Variants in SV2C observed in about 807,000 individuals in gnomAD.
SV2C encodes the protein solute carrier family 22 member B3.
In SV2C, 49 loss-of-function variants were observed where a neutral mutation model predicts 79.7. That is an observed-to-expected ratio of 0.61 (90% confidence interval 0.49 to 0.78). The LOEUF is 0.78. SV2C is among the 30% of genes least tolerant of loss of function. The pLI, the probability that SV2C is intolerant of heterozygous loss-of-function variation, is 0.00. For missense variants in SV2C, 833 were observed against 912.9 expected, an observed-to-expected ratio of 0.91 and a Z score of 1.13; for synonymous variants, 334 against 333.2, an observed-to-expected ratio of 1.00 and a Z score of -0.03.
the SV2C span, chr5:75,921,383 T>TACCA: frequency 1.1e-6 from 1 of 876,798 alleles, no homozygotes; most frequent in Non-Finnish European, 2.0e-6. Context: ...GTAGGTGTCC[T>TACCA]GCCCTGGGTC....
intron 1 of SV2C, among the ~76,000 whole-genome samples, chr5:76,109,292 TA>T (rs1311581261): frequency 3.3e-5 from 5 of 152,210 alleles, no homozygotes; most frequent in Non-Finnish European, 7.3e-5. Context: ...CTCTTGAGAT[TA>T]CAAGAATAGT....
chr5:75,885,367 T>G, the SV2C span, among the ~76,000 whole-genome samples: 1 of 152,094 alleles, frequency 6.6e-6, no homozygotes, highest in Non-Finnish European at 1.5e-5. Context: ...CAAGTCCAGT[T>G]TCCTGACCAG....
the SV2C span, among the ~76,000 whole-genome samples, chr5:75,938,890 C>T: frequency 6.6e-6 from 1 of 152,110 alleles, no homozygotes; most frequent in African/African-American, 2.4e-5. Context: ...TTGTGAGCTC[C>T]CTAGAGTAAC....
chr5:76,084,778 C>G (rs139714621), intron 1 of SV2C, among the ~76,000 whole-genome samples: 6,338 of 151,734 alleles, frequency 0.042, 392 homozygotes, highest in African/African-American at 0.13. Context: ...TTGATGGATG[C>G]CCCGCGGCGC....
chr5:76,038,234 G>A, the SV2C span, among the ~76,000 whole-genome samples: 11 of 152,186 alleles, frequency 7.2e-5, no homozygotes, highest in Admixed American at 7.2e-4. Context: ...ACATATGTAA[G>A]ACTCAGTACA....
the SV2C span, among the ~76,000 whole-genome samples, chr5:75,991,212 A>G: frequency 6.6e-6 from 1 of 151,946 alleles, no homozygotes; most frequent in Admixed American, 6.6e-5. Flanking sequence ...AGGAAAATAT[A>G]ACACCTTTCT....
At position 76,132,241 on chromosome 5, in the gene SV2C, C is replaced by A. The variant is rs781162705; in HGVS notation, c.491C>A (p.Ala164Glu). The A allele has an allele frequency of 1.9e-6, 3 of 1,614,078 alleles. No homozygotes were observed. In the Admixed American group the frequency reaches 5.0e-5, roughly 27 times the overall value. ...TTCGTCCTGGGCATGGCTCTTATGG[C>A]AGACGGTGTAGAGGTGTTTGTCGTT... ...LFFVLGMALM[A>E]DGVEVFVVGF... Residue 164 changes from alanine (A) to glutamate (E), a missense_variant, in exon 2 of 13, where the codon GCA becomes GAA. By Grantham distance (107) the Ala-to-Glu change is moderately radical (BLOSUM62 -1). Coordinates refer to ENST00000502798, the MANE Select transcript of SV2C (RefSeq NM_014979.4).
intron 10 of SV2C, among the ~76,000 whole-genome samples, chr5:76,299,434 C>T (rs1242972548): frequency 1.3e-5 from 2 of 152,220 alleles, no homozygotes; most frequent in Admixed American, 6.5e-5. Flanking sequence ...ATTAGACATT[C>T]ATTATCTCAT....
chr5:76,152,660 A>C (rs1749639969), intron 2 of SV2C, among the ~76,000 whole-genome samples: 1 of 152,150 alleles, frequency 6.6e-6, no homozygotes, highest in African/African-American at 2.4e-5. Context: ...GAAGACAGCT[A>C]CCAGCTGATC....
chr5:76,325,645 G>C lies in SV2C; in HGVS notation c.*98G>C, dbSNP rs1271594117. The C allele has an allele frequency of 1.3e-6, 2 of 1,503,402 alleles. No homozygotes were observed. The highest frequency in any genetic ancestry group is 1.8e-6 in the Non-Finnish European group (2 of 1,122,284). 93.1% of individuals were successfully genotyped at this position (1,503,402 alleles called of 1,614,324 possible). ...TCAGAGTTTTCCTATATAGAAAGGTGATCAAGTATCAGAACATAAACACGT... is the reference window on the plus strand; with the variant it reads ...TCAGAGTTTTCCTATATAGAAAGGTCATCAAGTATCAGAACATAAACACGT... On this transcript the variant is annotated 3_prime_UTR_variant, in exon 13 of 13. Transcript: ENST00000502798.
intron 2 of SV2C, among the ~76,000 whole-genome samples, chr5:76,194,348 A>C (rs1014463411): frequency 6.6e-6 from 1 of 152,204 alleles, no homozygotes; most frequent in African/African-American, 2.4e-5. Context: ...TGAGCGGCAA[A>C]CTTGAGCCTC....
At chr5:75,901,223 C>G in the SV2C span, among the ~76,000 whole-genome samples, 3 of 152,078 alleles carry the variant, frequency 2.0e-5, no homozygotes, top group South Asian at 6.2e-4. Context: ...GTTTTATCTA[C>G]TTTTGGTCTT....
chr5:75,953,412 A>G, the SV2C span, among the ~76,000 whole-genome samples: 1 of 151,994 alleles, frequency 6.6e-6, no homozygotes, highest in Non-Finnish European at 1.5e-5. Context: ...TATATCAAAA[A>G]TACCTATTTC....
chr5:75,966,202 A>G, the SV2C span, among the ~76,000 whole-genome samples: 6 of 152,204 alleles, frequency 3.9e-5, no homozygotes, highest in African/African-American at 1.4e-4. Context: ...ATCCAATTTT[A>G]AGTTCTTTCT....
the SV2C span, among the ~76,000 whole-genome samples, chr5:75,996,934 G>A: frequency 2.3e-5 from 3 of 132,704 alleles, no homozygotes; most frequent in Middle Eastern, 3.8e-3. Flanking sequence ...CTGCAAACAC[G>A]GACAATTTGA....
the SV2C span, among the ~76,000 whole-genome samples, chr5:75,856,844 G>A: frequency 6.6e-6 from 1 of 151,896 alleles, no homozygotes; most frequent in South Asian, 2.1e-4. Flanking sequence ...CTGTGCGAGT[G>A]GAACATTAGT....
chr5:75,890,170 A>G, the SV2C span, among the ~76,000 whole-genome samples: 7 of 152,226 alleles, frequency 4.6e-5, no homozygotes, highest in African/African-American at 1.4e-4. Flanking sequence ...CACAATGTAG[A>G]CTTTAAATTG....
chr5:75,993,544 A>T, the SV2C span, among the ~76,000 whole-genome samples: 1 of 152,070 alleles, frequency 6.6e-6, no homozygotes, highest in Non-Finnish European at 1.5e-5. Context: ...AAGGATGAAC[A>T]TATTGTTCTA....
the SV2C span, among the ~76,000 whole-genome samples, chr5:76,049,709 T>C: frequency 6.6e-6 from 1 of 152,230 alleles, no homozygotes; most frequent in African/African-American, 2.4e-5. Context: ...TTTTGGTGTT[T>C]TTATTTTTTG....
Sources: gnomAD v4.1 joint callset for allele counts (sites outside exome capture counted in the v4.1 genomes callset) on GRCh38, gnomAD v4.1.1 for gene constraint, MANE v1.5 for transcripts, NCBI Gene and HGNC (gene_info 2026-07-23, HGNC 2026-07-21) for gene names.